LETM1: variants seen among roughly 807,000 people sequenced by gnomAD.
LETM1 encodes the protein mitochondrial proton/calcium exchanger protein.
LETM1 carries 50 observed loss-of-function variants against 74.5 expected under a neutral mutation model. The ratio of observed to expected loss-of-function variants is 0.67; its 90% CI spans 0.53 to 0.85. LETM1 has a LOEUF of 0.85. Among genes scored for constraint, LETM1 ranks in the 40% least tolerant of loss-of-function variants. The pLI is 0.00. For missense variants in LETM1, 824 were observed against 967.8 expected (o/e 0.85, Z 1.97); for synonymous variants, 446 against 407.1 (o/e 1.10, Z -1.15).
At chr4:1,830,300 T>C (rs1288353289) in intron 6 of LETM1, among the ~76,000 whole-genome samples, 2 of 152,258 alleles carry the variant, frequency 1.3e-5, no homozygotes, top group East Asian at 1.9e-4. Flanking sequence ...TTAGATATTG[T>C]ACTTTTCAGT....
intron 1 of LETM1, among the ~76,000 whole-genome samples, chr4:1,854,411 C>A (rs899742406): frequency 6.7e-6 from 1 of 149,560 alleles, no homozygotes; most frequent in African/African-American, 2.5e-5. Context: ...ACCTGGAAGG[C>A]AGAGGTTGCA....
At chr4:1,851,651 C>A (rs951835896) in intron 1 of LETM1, among the ~76,000 whole-genome samples, 1 of 152,246 alleles carries the variant, frequency 6.6e-6, no homozygotes, top group African/African-American at 2.4e-5. Context: ...CCTTCTCACT[C>A]CAGCTGAGAC....
Position 1,834,819 on chromosome 4 carries a change from AC to A in LETM1, c.876+25del, listed in dbSNP as rs1253229911. 1 of 1,613,122 alleles carries A rather than the reference AC, an allele frequency of 6.2e-7. No individual in the cohort carries two copies. Among genetic ancestry groups the A allele is most frequent in the Admixed American group, 1.7e-5 (1 of 59,990 alleles). ...TCAGGGAAGGCTCCCTGGTGAGGTC[AC>A]AGGGACTCAGACGTATCACAGCACC... On this transcript the variant is annotated intron_variant, in intron 5 of 13. Coordinates refer to ENST00000302787, the MANE Select transcript of LETM1 (RefSeq NM_012318.3). This position sits in a 1 kb window ranked among gnomAD's most constrained non-coding sequence, Gnocchi z 5.0.
intron 6 of LETM1, among the ~76,000 whole-genome samples, chr4:1,827,209 T>C (rs955363744): frequency 6.6e-6 from 1 of 152,006 alleles, no homozygotes; most frequent in Non-Finnish European, 1.5e-5. Flanking sequence ...TCCTTCCCTC[T>C]GATACTGCCT....
At chr4:1,816,069 G>A (rs1277872404) in intron 12 of LETM1, among the ~76,000 whole-genome samples, 1 of 152,270 alleles carries the variant, frequency 6.6e-6, no homozygotes, top group Non-Finnish European at 1.5e-5. Flanking sequence ...GCCCCTCTGG[G>A]GCCATGGCTG....
Position 1,834,573 on chromosome 4 carries a change from C to G in LETM1, c.876+272G>C. The stretch of plus-strand genomic sequence containing the variant: ...TCTCAGGCTCCTCATGGGTCAGATT[C>G]TACTGCTCCTGGACAGCTGCAGGGT... On this transcript the variant is annotated intron_variant, in intron 5 of 13. Transcript: ENST00000302787. This position sits in a 1 kb window ranked among gnomAD's most constrained non-coding sequence, Gnocchi z 5.0. The G allele has an allele frequency of 8.0e-7, 1 of 1,247,844 alleles. No homozygotes were observed. Among genetic ancestry groups the G allele is most frequent in the Non-Finnish European group, 1.0e-6 (1 of 988,978 alleles). The allele number at this position is 1,247,844 out of a possible 1,614,324, so 77.3% of individuals were successfully genotyped here.
chr4:1,842,438 C>A (rs981319827), intron 2 of LETM1, among the ~76,000 whole-genome samples: 5 of 152,220 alleles, frequency 3.3e-5, no homozygotes, highest in Non-Finnish European at 7.4e-5. Flanking sequence ...TCACACCTGC[C>A]CCCCCGCCTG....
intron 3 of LETM1, among the ~76,000 whole-genome samples, chr4:1,840,726 G>T (rs559508874): frequency 1.3e-5 from 2 of 151,652 alleles, no homozygotes; most frequent in Non-Finnish European, 2.9e-5. Context: ...AAAACGAAGC[G>T]GGGGTGGTGG....
intron 8 of LETM1, 123 bp downstream of exon 8, chr4:1,823,521 G>A: frequency 8.2e-7 from 1 of 1,221,956 alleles, no homozygotes; most frequent in South Asian, 1.4e-5. Context: ...CTCGCGAGGG[G>A]GTGGGAGGCA....
At chr4:1,850,177 A>G (rs56121044) in intron 1 of LETM1, among the ~76,000 whole-genome samples, 4,545 of 152,186 alleles carry the variant, frequency 0.03, 94 homozygotes, top group Middle Eastern at 0.058. Flanking sequence ...AAAATCTGAA[A>G]GAGTACAGAT....
intron 2 of LETM1, among the ~76,000 whole-genome samples, chr4:1,845,544 T>C (rs1712853061): frequency 6.6e-6 from 1 of 150,606 alleles, no homozygotes. Flanking sequence ...TTTTTCTTTT[T>C]TTTTTCTTTT....
chr4:1,832,978 G>A (rs1413154497), intron 5 of LETM1, 31 bp from the exon 6 acceptor site: 1 of 1,606,174 alleles, frequency 6.2e-7, no homozygotes, highest in Admixed American at 1.7e-5. Flanking sequence ...GTCATCCCCG[G>A]GACACGCGCC....
intron 6 of LETM1, among the ~76,000 whole-genome samples, chr4:1,828,801 G>A (rs1251574038): frequency 7.2e-6 from 1 of 138,692 alleles, no homozygotes; most frequent in African/African-American, 2.7e-5. Flanking sequence ...GCGGCTGGCC[G>A]GGCAGGGGGG....
chr4:1,831,765 G>A (rs1409435743), intron 6 of LETM1, among the ~76,000 whole-genome samples: 2 of 152,244 alleles, frequency 1.3e-5, no homozygotes, highest in African/African-American at 4.8e-5. Flanking sequence ...ATGCAGGCAG[G>A]CTCTTCCTGG....
In LETM1 at chr4:1,823,683, G is replaced by A. The variant is rs756948739; in HGVS notation, c.1293C>T (p.Asp431=). ...MYLPDTLSPA[D]QLKSTLQTLP... ...GGGTCTGCAGTGTGGACTTGAGCTG[G>A]TCGGCTGGAGAGAGGGTGTCCGGGA... Residue 431 remains aspartate, a synonymous_variant, in exon 8 of 14, where the codon GAC becomes GAT. Transcript: ENST00000302787. 8.1e-6 allele frequency: 13 copies of A among 1,613,988 alleles called. No homozygotes were observed. The Admixed American group carries it at 2.2e-4, about 27-fold the overall frequency.
Position 1,813,802 on chromosome 4 carries a change from A to T in LETM1, c.*622T>A, listed in dbSNP as rs1313763591. On this transcript the variant is annotated 3_prime_UTR_variant, in exon 14 of 14. Transcript: ENST00000302787. The stretch of plus-strand genomic sequence containing the variant: ...AAGCCGAGAAAGAGCTCCGATACAC[A>T]AGGGAAACCGCACGTGAGAACCAGC... 6.5e-6 allele frequency: 1 copy of T among 153,688 alleles called. No individual in the cohort carries two copies. The highest frequency in any genetic ancestry group is 1.4e-5 in the Non-Finnish European group (1 of 69,000). 9.5% of individuals were successfully genotyped at this position (153,688 alleles called of 1,614,324 possible).
At chr4:1,822,148 C>A in intron 10 of LETM1, 33 bp downstream of exon 10, 1 of 1,370,472 alleles carries the variant, frequency 7.3e-7, no homozygotes, top group South Asian at 2.0e-5. Flanking sequence ...ATGCCCTCCT[C>A]AGCCTCCAGG....
intron 6 of LETM1, among the ~76,000 whole-genome samples, chr4:1,826,533 G>A (rs141524201): frequency 1.2e-4 from 19 of 152,344 alleles, no homozygotes; most frequent in African/African-American, 3.6e-4. Flanking sequence ...TCACAGACGC[G>A]CTTGTCTCCA....
chr4:1,826,667 G>A (rs1417893311), intron 6 of LETM1, among the ~76,000 whole-genome samples: 3 of 152,262 alleles, frequency 2.0e-5, no homozygotes, highest in Non-Finnish European at 4.4e-5. Context: ...CTGCCATGCG[G>A]CATTCTGCAG....
Sources: gnomAD v4.1 joint callset for allele counts (sites outside exome capture counted in the v4.1 genomes callset) on GRCh38, gnomAD v4.1.1 for gene constraint, Gnocchi (gnomAD v3.1) non-coding constraint, MANE v1.5 for transcripts, NCBI Gene and HGNC (gene_info 2026-07-23, HGNC 2026-07-21) for gene names.